The following TMX3 variants were observed in gnomAD, a reference collection of about 807,000 sequenced individuals.
TMX3 encodes protein disulfide-isomerase TMX3.
TMX3 carries 40 observed loss-of-function variants against 64.4 expected under a neutral mutation model. That is an observed-to-expected ratio of 0.62 (90% CI 0.48 to 0.81). TMX3 has a LOEUF of 0.81. Among genes scored for constraint, TMX3 ranks in the 30% least tolerant of loss-of-function variants. The probability of loss-of-function intolerance (pLI) is 0.00; values close to 1 mark genes in which losing one functional copy is unlikely to be tolerated. For synonymous variants in TMX3, 189 were observed against 175.7 expected, an observed-to-expected ratio of 1.08 and a Z score of -0.60; for missense variants, 497 against 534.5, an observed-to-expected ratio of 0.93 and a Z score of 0.69.
intron 2 of TMX3, among the ~76,000 whole-genome samples, chr18:68,713,160 T>A (rs1599351384): frequency 6.6e-6 from 1 of 150,908 alleles, no homozygotes; most frequent in South Asian, 2.1e-4. Context: ...TTATGGGGGG[T>A]GAGAGAGAAA....
rs2144998083 is a variant in TMX3, at chr18:68,676,846, G to A, written c.*87C>T. ...AAATACGAATAACATGTTCTTTTCTGTAAAGATCATGATTAAATGTCTAAA... is the reference window on the plus strand; with the variant it reads ...AAATACGAATAACATGTTCTTTTCTATAAAGATCATGATTAAATGTCTAAA... On this transcript the variant is annotated 3_prime_UTR_variant, in exon 16 of 16. Coordinates refer to ENST00000299608, the MANE Select transcript of TMX3 (RefSeq NM_019022.5). 2.0e-6 allele frequency: 3 copies of A among 1,484,572 alleles called. No homozygotes were observed. The South Asian group carries it at 4.0e-5, about 20-fold the overall frequency. The allele number at this position is 1,484,572 out of a possible 1,614,324, so 92.0% of individuals were successfully genotyped here.
chr18:68,713,139 C>T (rs7226469), intron 2 of TMX3, among the ~76,000 whole-genome samples: 7,556 of 152,110 alleles, frequency 0.05, 643 homozygotes, highest in African/African-American at 0.17. Context: ...GAACAAAAGT[C>T]TTCTGTCTCT....
rs1208227433 is a variant in TMX3, at chr18:68,677,031, T to C, written c.1267A>G (p.Ile423Val). 1.9e-6 allele frequency: 3 copies of C among 1,613,830 alleles called. No individual in the cohort carries two copies. The South Asian group carries it at 3.3e-5, about 18-fold the overall frequency. Residue 423 changes from isoleucine to valine, a missense_variant, in exon 16 of 16, where the codon ATA becomes GTA. Ile to Val is a conservative substitution (Grantham distance 29). Transcript: ENST00000299608. ...TCCTGCTGTTCTTTGCTCTCTTCTA[T>C]CTGTTCTTGGTTTTCATTTTCACTT... is the stretch of plus-strand genomic sequence containing the variant. Reference protein sequence around the residue: ...SKSENENQEQIEESKEQQEPS... With the variant: ...SKSENENQEQVEESKEQQEPS...
intron 2 of TMX3, among the ~76,000 whole-genome samples, chr18:68,713,533 T>C (rs2031518738): frequency 6.6e-6 from 1 of 152,188 alleles, no homozygotes; most frequent in African/African-American, 2.4e-5. Context: ...AATGCTGTCA[T>C]ACTATGAAGA....
intron 8 of TMX3, among the ~76,000 whole-genome samples, chr18:68,695,303 T>A (rs532536628): frequency 1.3e-5 from 2 of 152,288 alleles, no homozygotes; most frequent in South Asian, 4.1e-4. Flanking sequence ...TTTTCCTAAT[T>A]TACTATTTCT....
At chr18:68,681,778 T>C (rs1432090056) in intron 13 of TMX3, among the ~76,000 whole-genome samples, 1 of 152,172 alleles carries the variant, frequency 6.6e-6, no homozygotes, top group African/African-American at 2.4e-5. Context: ...CAGCATCATG[T>C]TGTTGAGCTT....
chr18:68,713,733 G>A (rs1373278906), intron 2 of TMX3, 113 bp downstream of exon 2: 3 of 470,316 alleles, frequency 6.4e-6, no homozygotes, highest in African/African-American at 4.1e-5. Context: ...TGAAAAAAAT[G>A]AGTGATATAT....
chr18:68,699,993 T>C (rs112534591), intron 6 of TMX3, among the ~76,000 whole-genome samples: 1 of 152,168 alleles, frequency 6.6e-6, no homozygotes, highest in Non-Finnish European at 1.5e-5. Context: ...TCAAAGAGTA[T>C]GGATGAAAGC....
At chr18:68,680,791 A>C (rs540420332) in intron 14 of TMX3, among the ~76,000 whole-genome samples, 190 bp downstream of exon 14, 2 of 152,296 alleles carry the variant, frequency 1.3e-5, no homozygotes, top group East Asian at 3.9e-4. Context: ...CTGCCACAGA[A>C]GAACCTTCTG....
chr18:68,710,002 A>C lies in TMX3; in HGVS notation c.265+19T>G, dbSNP rs765242817. The C allele has an allele frequency of 4.5e-6, 7 of 1,565,890 alleles. No homozygotes were observed. The highest frequency in any genetic ancestry group is 6.0e-6 in the Non-Finnish European group (7 of 1,160,934). On this transcript the variant is annotated intron_variant, in intron 4 of 15. Coordinates refer to ENST00000299608, the MANE Select transcript of TMX3 (RefSeq NM_019022.5). ...TTTGCTGTGAGAACAGTAAAATAAT[A>C]AACTAAGTGAAGGCTTACTAGAATA...
chr18:68,689,346 A>G (rs936521160), intron 9 of TMX3, among the ~76,000 whole-genome samples: 2 of 151,894 alleles, frequency 1.3e-5, no homozygotes, highest in African/African-American at 4.8e-5. Flanking sequence ...AAAACCTGAT[A>G]TCTGTTTATA....
chr18:68,710,865 C>A (rs1311540064), intron 3 of TMX3, among the ~76,000 whole-genome samples: 1 of 152,094 alleles, frequency 6.6e-6, no homozygotes, highest in African/African-American at 2.4e-5. Context: ...CTCTTTTGCT[C>A]CTATTCTACT....
intron 3 of TMX3, 26 bp from the exon 4 acceptor site, chr18:68,710,170 A>G (rs1182849915): frequency 6.7e-7 from 1 of 1,501,876 alleles, no homozygotes; most frequent in African/African-American, 1.5e-5. Context: ...CAAACAACAA[A>G]CAAAAAAAGA....
At chr18:68,700,508 A>AAAT in intron 5 of TMX3, 23 bp from the exon 6 acceptor site, 1 of 1,441,278 alleles carries the variant, frequency 6.9e-7, no homozygotes, top group Non-Finnish European at 9.4e-7. Flanking sequence ...AAAAAAATTA[A>AAAT]AACCTGGATT....
intron 3 of TMX3, among the ~76,000 whole-genome samples, 188 bp downstream of exon 3, chr18:68,711,176 C>A (rs373354196): frequency 1.4e-4 from 22 of 152,160 alleles, no homozygotes; most frequent in African/African-American, 5.1e-4. Flanking sequence ...TACGTTCCCT[C>A]GCATGGAACC....
chr18:68,697,599 G>A (rs2298672), intron 7 of TMX3: 1 of 337,902 alleles, frequency 3.0e-6, no homozygotes, highest in African/African-American at 2.1e-5. Context: ...GATGATTATA[G>A]GAAGATATGT....
intron 1 of TMX3, chr18:68,714,240 TC>T (rs2031649082): frequency 6.0e-6 from 1 of 165,844 alleles, no homozygotes. Context: ...CTTCTTTATT[TC>T]TTTTGCTTTA....
chr18:68,680,182 TTA>T (rs1396888666), intron 14 of TMX3, among the ~76,000 whole-genome samples: 5 of 152,206 alleles, frequency 3.3e-5, no homozygotes, highest in Non-Finnish European at 5.9e-5. Flanking sequence ...CCGAAAGTAG[TTA>T]TGTTTGTTAC....
At position 68,676,936 on chromosome 18, in the gene TMX3, A is replaced by C; in HGVS notation, c.1362T>G (p.Asp454Glu). The C allele has an allele frequency of 6.2e-7, 1 of 1,611,194 alleles. No individual in the cohort carries two copies. Among genetic ancestry groups the C allele is most frequent in the Non-Finnish European group, 8.5e-7 (1 of 1,179,158 alleles). Residue 454 changes from aspartate (D) to glutamate (E), a missense_variant, in exon 16 of 16, where the codon GAT (aspartate) becomes GAG (glutamate). Physicochemically the swap from Asp to Glu is conservative, Grantham distance 45 (BLOSUM62 2). Transcript: ENST00000299608. Reference protein sequence around the residue: ...EPKDVLEKKKD With the variant: ...EPKDVLEKKKE ...AATATTTTATAGTCATCAAGTCTCA[A>C]TCTTTCTTCTTTTCTAATACATCCT...
Sources: gnomAD v4.1 joint callset for allele counts (sites outside exome capture counted in the v4.1 genomes callset) on GRCh38, gnomAD v4.1.1 for gene constraint, MANE v1.5 for transcripts, NCBI Gene and HGNC (gene_info 2026-07-23, HGNC 2026-07-21) for gene names.